The following ABLIM2 variants were observed in gnomAD, a reference collection of about 807,000 sequenced individuals.
ABLIM2 encodes actin-binding LIM protein 2.
In ABLIM2, 53 loss-of-function variants were observed where a neutral mutation model predicts 97.7. The observed-to-expected ratio is 0.54, with a 90% CI of 0.44 to 0.68. The LOEUF is 0.68. Among genes scored for constraint, ABLIM2 ranks in the 30% least tolerant of loss-of-function variants. The pLI, the probability that ABLIM2 is intolerant of heterozygous loss-of-function variation, is 0.00. For synonymous variants in ABLIM2, 361 were observed against 345.8 expected (o/e 1.04, Z -0.49); for missense variants, 835 against 867.2 (o/e 0.96, Z 0.47).
rs1560693961 is a variant in ABLIM2, at chr4:8,022,843, C to T, written c.1268-2540G>A. The T allele has an allele frequency of 6.6e-6, 1 of 152,500 alleles. No homozygotes were observed. Among genetic ancestry groups the T allele is most frequent in the Non-Finnish European group, 1.5e-5 (1 of 68,232 alleles). The allele number at this position is 152,500 out of a possible 1,614,324, so 9.4% of individuals were successfully genotyped here. Reference sequence around the variant, plus strand: ...ACGGGGATGCTTCAGCATCCTTTAACCTGGGATGCTGCCTGTTAGGAGAGG... The same window carrying T: ...ACGGGGATGCTTCAGCATCCTTTAATCTGGGATGCTGCCTGTTAGGAGAGG... On this transcript the variant is annotated intron_variant, in intron 12 of 20. Coordinates refer to ENST00000447017, the MANE Select transcript of ABLIM2 (RefSeq NM_001130083.2). The surrounding 1 kb of genome is among the most constrained non-coding windows in gnomAD (Gnocchi z 7.8).
chr4:8,127,317 C>A lies in ABLIM2; in HGVS notation c.11-20680G>T, dbSNP rs1203118861. ...TGTACAATGGGGTCACCCTCCTCAC[C>A]CCACAGTGCTGTCCATAGAGAGTGT... On this transcript the variant is annotated intron_variant, in intron 1 of 20. Coordinates refer to ENST00000447017, the MANE Select transcript of ABLIM2 (RefSeq NM_001130083.2). The surrounding 1 kb of genome is among the most constrained non-coding windows in gnomAD (Gnocchi z 7.3). Among the ~76,000 whole-genome samples, 1 of 152,190 alleles carries A rather than the reference C, an allele frequency of 6.6e-6. No individual in the cohort carries two copies. The highest frequency in any genetic ancestry group is 1.5e-5 in the Non-Finnish European group (1 of 68,032).
intron 1 of ABLIM2, among the ~76,000 whole-genome samples, chr4:8,114,085 A>G (rs948552984): frequency 1.3e-5 from 2 of 152,200 alleles, no homozygotes; most frequent in Non-Finnish European, 2.9e-5. Flanking sequence ...GCCCTGACAC[A>G]TGGGTGGCTG....
At chr4:8,014,342 C>A (rs977878414) in intron 14 of ABLIM2, among the ~76,000 whole-genome samples, 3 of 152,278 alleles carry the variant, frequency 2.0e-5, no homozygotes, top group Non-Finnish European at 4.4e-5. Context: ...TCCCCTCCTA[C>A]GTCTTCCAGA....
chr4:8,064,793 G>C (rs1042345068), intron 6 of ABLIM2, among the ~76,000 whole-genome samples: 3 of 152,146 alleles, frequency 2.0e-5, no homozygotes, highest in African/African-American at 7.2e-5. Flanking sequence ...CACCAGACCT[G>C]TTCTCTTTCT....
chr4:8,010,623 C>A lies in ABLIM2; in HGVS notation c.1424-1521G>T, dbSNP rs534608107. ...TACACTAACATCTCGTTACTCTCAACGGCTACCTGTTTCTCCTTCTTCCAG... is the reference window on the plus strand; with the variant it reads ...TACACTAACATCTCGTTACTCTCAAAGGCTACCTGTTTCTCCTTCTTCCAG... On this transcript the variant is annotated intron_variant, in intron 14 of 20. Coordinates refer to ENST00000447017, the MANE Select transcript of ABLIM2 (RefSeq NM_001130083.2). 12 of 964,738 alleles carry A rather than the reference C, an allele frequency of 1.2e-5. No individual in the cohort carries two copies. In the Admixed American group the frequency reaches 7.4e-4, roughly 59 times the overall value. The allele number at this position is 964,738 out of a possible 1,614,324, so 59.8% of individuals were successfully genotyped here.
At position 8,004,173 on chromosome 4, in the gene ABLIM2, G is replaced by T. The variant is rs1384557506; in HGVS notation, c.1618+3886C>A. On this transcript the variant is annotated intron_variant, in intron 16 of 20. Coordinates refer to ENST00000447017, the MANE Select transcript of ABLIM2 (RefSeq NM_001130083.2). This position sits in a 1 kb window ranked among gnomAD's most constrained non-coding sequence, Gnocchi z 5.9. The stretch of plus-strand genomic sequence containing the variant: ...GTCTCCTAACCCTCCCTCCCAACGG[G>T]CTCCGAGACCAGGCAGCAGAGAGAC... 6.6e-6 allele frequency among the ~76,000 whole-genome samples: 1 copy of T among 151,702 alleles called. No homozygotes were observed. Among genetic ancestry groups the T allele is most frequent in the African/African-American group, 2.4e-5 (1 of 41,270 alleles).
At chr4:8,142,316 C>G (rs915109472) in intron 1 of ABLIM2, among the ~76,000 whole-genome samples, 4 of 152,180 alleles carry the variant, frequency 2.6e-5, no homozygotes, top group Non-Finnish European at 4.4e-5. Context: ...TGCCCGAGGG[C>G]ATGGACTCTG....
intron 1 of ABLIM2, among the ~76,000 whole-genome samples, chr4:8,135,139 AAGAT>A (rs1404971932): frequency 6.6e-6 from 1 of 152,232 alleles, no homozygotes; most frequent in Admixed American, 6.5e-5. Context: ...GCACAAAAGA[AAGAT>A]AGAAAAGGAA....
At position 8,083,671 on chromosome 4, in the gene ABLIM2, C is replaced by T. The variant is rs538678997; in HGVS notation, c.455-2869G>A. The stretch of plus-strand genomic sequence containing the variant: ...ACATCCGGAGCTCCACATTGCTTTG[C>T]GGGCTCTGCGCATGGCAGCTCAGAG... On this transcript the variant is annotated intron_variant, in intron 4 of 20. Transcript: ENST00000447017. The surrounding 1 kb of genome is among the most constrained non-coding windows in gnomAD (Gnocchi z 4.6). 1.3e-5 allele frequency among the ~76,000 whole-genome samples: 2 copies of T among 152,344 alleles called. No individual in the cohort carries two copies. Among genetic ancestry groups the T allele is most frequent in the African/African-American group, 2.4e-5 (1 of 41,588 alleles).
At position 8,072,507 on chromosome 4, in the gene ABLIM2, G is replaced by A. The variant is rs931564846; in HGVS notation, c.675+5121C>T. 6.6e-6 allele frequency among the ~76,000 whole-genome samples: 1 copy of A among 152,218 alleles called. No homozygotes were observed. Among genetic ancestry groups the A allele is most frequent in the South Asian group, 2.1e-4 (1 of 4,834 alleles). On this transcript the variant is annotated intron_variant, in intron 6 of 20. Transcript: ENST00000447017. The surrounding 1 kb of genome is among the most constrained non-coding windows in gnomAD (Gnocchi z 5.8). Reference sequence around the variant, plus strand: ...TCCTGCACCAGCAGCAGCAACAGCCGCAGCTGACTGCACCCAAGATACACC... The same window carrying A: ...TCCTGCACCAGCAGCAGCAACAGCCACAGCTGACTGCACCCAAGATACACC...
At chr4:7,981,270 G>A (rs994766982) in intron 20 of ABLIM2, among the ~76,000 whole-genome samples, 1 of 151,992 alleles carries the variant, frequency 6.6e-6, no homozygotes, top group African/African-American at 2.4e-5. Flanking sequence ...TAACCCAGAT[G>A]CTCCTTTCTA....
chr4:8,094,768 G>C (rs1376004039), intron 3 of ABLIM2, among the ~76,000 whole-genome samples: 1 of 152,144 alleles, frequency 6.6e-6, no homozygotes, highest in Non-Finnish European at 1.5e-5. Flanking sequence ...CTCCCTTATT[G>C]CTACTGACTT....
At chr4:7,976,655 C>G (rs1733323811) in intron 20 of ABLIM2, among the ~76,000 whole-genome samples, 1 of 152,030 alleles carries the variant, frequency 6.6e-6, no homozygotes, top group Admixed American at 6.6e-5. Flanking sequence ...CATCCCTCAT[C>G]TTACACAACA....
Position 8,029,534 on chromosome 4 carries a change from T to C in ABLIM2, c.1168+122A>G, listed in dbSNP as rs1395330023. 3.3e-6 allele frequency: 4 copies of C among 1,210,038 alleles called. No homozygotes were observed. In the Admixed American group the frequency reaches 1.1e-4, roughly 34 times the overall value. The allele number at this position is 1,210,038 out of a possible 1,614,324, so 75.0% of individuals were successfully genotyped here. A position where few individuals can be genotyped will look rare whatever the true frequency, so the allele number is the denominator to read the frequency against. ...CCGCTGGCAATCCCACCCATTTCCATCATATTTCCAGTTGTATAAGAAAAA... is the reference window on the plus strand; with the variant it reads ...CCGCTGGCAATCCCACCCATTTCCACCATATTTCCAGTTGTATAAGAAAAA... On this transcript the variant is annotated intron_variant, in intron 11 of 20. Coordinates refer to ENST00000447017, the MANE Select transcript of ABLIM2 (RefSeq NM_001130083.2).
Position 7,999,494 on chromosome 4 carries a change from T to C in ABLIM2, c.1619-6567A>G, listed in dbSNP as rs1755618136. Among the ~76,000 whole-genome samples, 2 of 152,138 alleles carry C rather than the reference T, an allele frequency of 1.3e-5. No homozygotes were observed. The highest frequency in any genetic ancestry group is 4.8e-5 in the African/African-American group (2 of 41,434). On this transcript the variant is annotated intron_variant, in intron 16 of 20. Transcript: ENST00000447017. The surrounding 1 kb of genome is among the most constrained non-coding windows in gnomAD (Gnocchi z 4.4). ...ATGATATCAAGCGATCTGTTCAAGG[T>C]CAAACAGTTACTAACTAGAGAGGCT...
intron 1 of ABLIM2, among the ~76,000 whole-genome samples, chr4:8,152,254 G>A (rs534927259): frequency 3.9e-5 from 6 of 152,338 alleles, no homozygotes; most frequent in South Asian, 4.1e-4. Context: ...GACAGCGCCC[G>A]CCTAGCCAGG....
At chr4:8,089,719 G>A (rs1286300079) in intron 3 of ABLIM2, among the ~76,000 whole-genome samples, 2 of 117,764 alleles carry the variant, frequency 1.7e-5, no homozygotes, top group Non-Finnish European at 3.3e-5. Flanking sequence ...GGGCCAAAGA[G>A]TGAGATTCAT....
rs372421186 is a variant in ABLIM2 at position 8,139,504 on chromosome 4, T to C, written c.10+19176A>G. On this transcript the variant is annotated intron_variant, in intron 1 of 20. Coordinates refer to ENST00000447017, the MANE Select transcript of ABLIM2 (RefSeq NM_001130083.2). ...CAGCCAACAAACATATGAAAAAAGC[T>C]CAACGTCAATGATCATTAGAGAAGT... 1.1e-4 allele frequency among the ~76,000 whole-genome samples: 16 copies of C among 152,196 alleles called. No individual in the cohort carries two copies. The South Asian group carries it at 1.9e-3, about 18-fold the overall frequency.
chr4:8,110,351 C>T (rs544536543), intron 1 of ABLIM2, among the ~76,000 whole-genome samples: 7 of 152,256 alleles, frequency 4.6e-5, no homozygotes, highest in East Asian at 1.9e-4. Context: ...GGGGACAGCG[C>T]GGGTGGTGGG....
Sources: allele counts gnomAD v4.1 joint callset (sites outside exome capture counted in the v4.1 genomes callset), GRCh38; gene constraint gnomAD v4.1.1; non-coding constraint Gnocchi (gnomAD v3.1); transcripts MANE v1.5; gene names NCBI Gene and HGNC (gene_info 2026-07-23, HGNC 2026-07-21).